The following COL20A1 variants were observed in gnomAD, a reference collection of about 807,000 sequenced individuals.
COL20A1 encodes collagen type XX alpha 1 chain.
A neutral mutation model predicts 152.9 loss-of-function variants in COL20A1; 164 were observed. The observed-to-expected ratio is 1.07, with a 90% CI of 0.94 to 1.22. COL20A1 has a LOEUF of 1.22. COL20A1 is among the 50% of genes most tolerant of loss of function. The probability of loss-of-function intolerance (pLI) is 0.00; values close to 1 mark genes in which losing one functional copy is unlikely to be tolerated. For missense variants in COL20A1, 1,873 were observed against 1,744.8 expected, an observed-to-expected ratio of 1.07 and a Z score of -1.31; for synonymous variants, 864 against 756.0, an observed-to-expected ratio of 1.14 and a Z score of -2.34.
At chr20:63,325,344 C>T (rs754065554) in intron 27 of COL20A1, 97 bp from the exon 28 acceptor site, 1 of 929,952 alleles carries the variant, frequency 1.1e-6, no homozygotes, top group Non-Finnish European at 1.8e-6. Flanking sequence ...GACCCAGGGC[C>T]GTGCAGTCCA....
chr20:63,323,304 C>T (rs62208786), intron 27 of COL20A1, among the ~76,000 whole-genome samples: 2 of 152,202 alleles, frequency 1.3e-5, no homozygotes, highest in African/African-American at 4.8e-5. Flanking sequence ...ATTTTCTTGT[C>T]TTTTGACCTT....
chr20:63,299,578 A>G (rs1356565718), intron 3 of COL20A1, among the ~76,000 whole-genome samples: 2 of 152,148 alleles, frequency 1.3e-5, no homozygotes, highest in Non-Finnish European at 2.9e-5. Flanking sequence ...CTGTTACCCC[A>G]AGGTCAGCCC....
At chr20:63,330,208 G>A (rs1039243308) in intron 35 of COL20A1, among the ~76,000 whole-genome samples, 1 of 152,122 alleles carries the variant, frequency 6.6e-6, no homozygotes, top group Admixed American at 6.5e-5. Context: ...CTGAGGGGCT[G>A]GTCCCAGCAG....
chr20:63,315,238 G>A (rs947919683), intron 19 of COL20A1, among the ~76,000 whole-genome samples, 166 bp from the exon 20 acceptor site: 14 of 152,260 alleles, frequency 9.2e-5, no homozygotes, highest in African/African-American at 3.4e-4. Context: ...GGGAGGCGTG[G>A]GGACCACAGG....
At chr20:63,295,688 C>T (rs556587682) in intron 2 of COL20A1, among the ~76,000 whole-genome samples, 76 of 152,312 alleles carry the variant, frequency 5.0e-4, no homozygotes, top group African/African-American at 1.8e-3. Flanking sequence ...CTGGTTGGGG[C>T]GTTTGGGTAA....
intron 35 of COL20A1, among the ~76,000 whole-genome samples, chr20:63,330,322 G>C (rs1289618994): frequency 6.6e-6 from 1 of 152,106 alleles, no homozygotes; most frequent in African/African-American, 2.4e-5. Flanking sequence ...GTGACCTGGG[G>C]CCCATGAGGG....
Position 63,309,753 on chromosome 20 carries a change from A to C in COL20A1, c.1106-5A>C. ...ACCTGCCCCCCACTCCCGCTACTCC[A>C]GCAGCAGCGGCTCCAGCCCTGGACA... On this transcript the variant is annotated splice_region_variant and splice_polypyrimidine_tract_variant and intron_variant, in intron 9 of 35. Coordinates refer to ENST00000358894, the MANE Select transcript of COL20A1 (RefSeq NM_020882.4). The C allele has an allele frequency of 6.4e-7, 1 of 1,562,322 alleles. No individual in the cohort carries two copies. The highest frequency in any genetic ancestry group is 1.9e-5 in the Admixed American group (1 of 53,090).
chr20:63,322,169 A>G (rs1257682526), intron 27 of COL20A1, 58 bp downstream of exon 27: 8 of 1,326,712 alleles, frequency 6.0e-6, no homozygotes, highest in Non-Finnish European at 1.0e-6. Context: ...CCAGAAGAGA[A>G]CACCCCTCCC....
At chr20:63,294,934 A>G in intron 1 of COL20A1, 164 bp from the exon 2 acceptor site, 2 of 577,370 alleles carry the variant, frequency 3.5e-6, no homozygotes, top group South Asian at 2.2e-5. Flanking sequence ...GGTATCCCCT[A>G]GACAACAGGT....
chr20:63,319,916 G>A lies in COL20A1; in HGVS notation c.2917-123G>A. 1.0e-6 allele frequency: 1 copy of A among 960,000 alleles called. No homozygotes were observed. The highest frequency in any genetic ancestry group is 1.5e-6 in the Non-Finnish European group (1 of 659,910). 59.5% of individuals were successfully genotyped at this position (960,000 alleles called of 1,614,324 possible). ...AGGGTCCCCCGAAACCTGAGGTGAG[G>A]TCAGGTTCCTGACCCCAGGTCCCAG... On this transcript the variant is annotated intron_variant, in intron 23 of 35. Transcript: ENST00000358894. The surrounding 1 kb of genome is among the most constrained non-coding windows in gnomAD (Gnocchi z 4.4).
At chr20:63,321,951 GGGCATGGGGCTCAGGGTGGGCCA>G (rs2068170195) in intron 26 of COL20A1, 84 bp from the exon 27 acceptor site, 9 of 826,168 alleles carry the variant, frequency 1.1e-5, no homozygotes, top group South Asian at 5.6e-5. Flanking sequence ...GGGCTGGGTG[GGGCATGGGGCTCAGGGTGGGCCA>G]GGCATGGGGC....
At chr20:63,320,879 C>A in intron 25 of COL20A1, 134 bp from the exon 26 acceptor site, 1 of 673,044 alleles carries the variant, frequency 1.5e-6, no homozygotes, top group Non-Finnish European at 2.5e-6. Flanking sequence ...GGCCCCTGAC[C>A]TTCGCCCCTG....
intron 2 of COL20A1, 105 bp from the exon 3 acceptor site, chr20:63,297,805 C>A: frequency 1.2e-6 from 1 of 852,514 alleles, no homozygotes; most frequent in Non-Finnish European, 1.9e-6. Context: ...CGGGATAGGA[C>A]TGTGTTCCTC....
rs2067911741 is a variant in COL20A1 at position 63,305,438 on chromosome 20, TACTG to T, written c.218_221del (p.Leu73ProfsTer12). On this transcript the variant is annotated frameshift_variant, in exon 4 of 36. Coordinates refer to ENST00000358894, the MANE Select transcript of COL20A1 (RefSeq NM_020882.4). LOFTEE classifies it high-confidence loss of function. The surrounding 1 kb of genome is among the most constrained non-coding windows in gnomAD (Gnocchi z 4.9). ...CCAGGGGACTCGGAACAGGAGGTGA[TACTG>T]ACCACCAAGACCCCTAAGGCCACAG... 5 of 1,585,804 alleles carry T rather than the reference TACTG, an allele frequency of 3.2e-6. No individual in the cohort carries two copies. The Admixed American group carries it at 5.5e-5, about 17-fold the overall frequency.
intron 15 of COL20A1, 76 bp from the exon 16 acceptor site, chr20:63,312,716 T>C (rs2068026353): frequency 6.8e-7 from 1 of 1,476,262 alleles, no homozygotes; most frequent in African/African-American, 1.4e-5. Context: ...AGGGTGCTCC[T>C]GGGTGTGGCT....
chr20:63,327,966 C>T lies in COL20A1; in HGVS notation c.3543C>T (p.Pro1181=). ...CTCCTCATCAGGGACTGCCAGGGCC[C>T]AAAGGGGAACGAGGAGAGAAGGTAA... The part of the protein sequence containing the change: ...GTVGPTGLPG[P]KGERGEKGEP... The change falls in exon 32 of 36, where the codon CCC becomes CCT. Residue 1181 remains proline (P), a synonymous_variant. Coordinates refer to ENST00000358894, the MANE Select transcript of COL20A1 (RefSeq NM_020882.4). The T allele has an allele frequency of 5.6e-6, 9 of 1,604,590 alleles. No homozygotes were observed. Among genetic ancestry groups the T allele is most frequent in the African/African-American group, 1.3e-5 (1 of 74,784 alleles).
At chr20:63,326,014 G>A in intron 29 of COL20A1, 82 bp from the exon 30 acceptor site, 1 of 1,247,776 alleles carries the variant, frequency 8.0e-7, no homozygotes, top group Non-Finnish European at 1.2e-6. Context: ...GGGTGTGTTG[G>A]GTGCTGCTGG....
At position 63,311,785 on chromosome 20, in the gene COL20A1, GGT is replaced by G; in HGVS notation, c.1663+39_1663+40del. On this transcript the variant is annotated intron_variant, in intron 13 of 35. Coordinates refer to ENST00000358894, the MANE Select transcript of COL20A1 (RefSeq NM_020882.4). The surrounding 1 kb of genome is among the most constrained non-coding windows in gnomAD (Gnocchi z 4.4). The stretch of plus-strand genomic sequence containing the variant: ...AACCCCGGCTGCCTGCCCACAGGCG[GGT>G]GCCCCATCTTGTTCCTCAGCCTTCC... 6.4e-7 allele frequency: 1 copy of G among 1,561,772 alleles called. No individual in the cohort carries two copies. Among genetic ancestry groups the G allele is most frequent in the South Asian group, 1.2e-5 (1 of 86,242 alleles).
intron 5 of COL20A1, 53 bp from the exon 6 acceptor site, chr20:63,307,437 C>T: frequency 6.4e-7 from 1 of 1,558,360 alleles, no homozygotes; most frequent in Non-Finnish European, 8.7e-7. Context: ...ATCTGGGGGC[C>T]TTGGACCAGG....
Sources: gnomAD v4.1 joint callset for allele counts (sites outside exome capture counted in the v4.1 genomes callset) on GRCh38, gnomAD v4.1.1 for gene constraint, Gnocchi (gnomAD v3.1) non-coding constraint, MANE v1.5 for transcripts, NCBI Gene and HGNC (gene_info 2026-07-23, HGNC 2026-07-21) for gene names.